HOXC11: variants seen among roughly 807,000 people sequenced by gnomAD.
The protein encoded by HOXC11 is homeobox protein Hox-C11.
HOXC11 carries 17 observed loss-of-function variants against 23.6 expected under a neutral mutation model. That is an observed-to-expected ratio of 0.72 (90% CI 0.49 to 1.08). The LOEUF (loss-of-function observed/expected upper bound fraction) is 1.08. HOXC11 is among the 50% of genes least tolerant of loss of function. HOXC11 has a pLI of 0.00. For missense variants in HOXC11, 413 were observed against 412.1 expected, an observed-to-expected ratio of 1.00 and a Z score of -0.02; for synonymous variants, 196 against 183.8, an observed-to-expected ratio of 1.07 and a Z score of -0.54.
At position 53,973,793 on chromosome 12, in the gene HOXC11, C is replaced by T; in HGVS notation, c.552C>T (p.Pro184=). 1 of 1,595,028 alleles carries T rather than the reference C, an allele frequency of 6.3e-7. No homozygotes were observed. The change falls in exon 1 of 2, where the codon CCC becomes CCT. Residue 184 remains proline, a synonymous_variant. Transcript: ENST00000546378. The surrounding 1 kb of genome is among the most constrained non-coding windows in gnomAD (Gnocchi z 4.3). ...AGGCCAAGGGGGAGCCCGAGGCACC[C>T]CCGGCCTCGGGACTGGCGTCCCGGG... is the stretch of plus-strand genomic sequence containing the variant. ...KGEAKGEPEA[P]PASGLASRAE... is the part of the protein sequence containing the mutation.
At position 53,973,908 on chromosome 12, in the gene HOXC11, A is replaced by C. The variant is rs1161543990; in HGVS notation, c.667A>C (p.Lys223Gln). 2.8e-6 allele frequency: 4 copies of C among 1,442,320 alleles called. No homozygotes were observed. In the African/African-American group the frequency reaches 5.8e-5, roughly 21 times the overall value. 89.3% of individuals were successfully genotyped at this position (1,442,320 alleles called of 1,614,324 possible). Residue 223 changes from lysine to glutamine, a missense_variant, in exon 1 of 2, where the codon AAA (lysine) becomes CAA (glutamine). Transcript: ENST00000546378. The surrounding 1 kb of genome is among the most constrained non-coding windows in gnomAD (Gnocchi z 4.3). ...CCACTCCGTGGCCAAGGAGCCGGCC[A>C]AAGGAGCCGCCCCCAGTAGGTAGCA... ...SAHSVAKEPA[K>Q]GAAPNAPRTR... is the part of the protein sequence containing the mutation.
Position 53,973,597 on chromosome 12 carries a change from G to T in HOXC11, c.356G>T (p.Gly119Val), listed in dbSNP as rs777431810. ...ACCGAGATCCTCATGAAAAACGAAG[G>T]CTCCTACGGCGGCCACCACCACCCC... ...TVTEILMKNE[G>V]SYGGHHHPSA... The change falls in exon 1 of 2, where the codon GGC (glycine) becomes GTC (valine). Residue 119 changes from glycine to valine, a missense_variant. Coordinates refer to ENST00000546378, the MANE Select transcript of HOXC11 (RefSeq NM_014212.4). This position sits in a 1 kb window ranked among gnomAD's most constrained non-coding sequence, Gnocchi z 4.3. 1.3e-5 allele frequency: 21 copies of T among 1,613,220 alleles called. No individual in the cohort carries two copies. The African/African-American group carries it at 1.3e-4, about 10-fold the overall frequency.
In HOXC11 at chr12:53,975,625, G is replaced by C. The variant is rs913419189; in HGVS notation, c.*212G>C. On this transcript the variant is annotated 3_prime_UTR_variant, in exon 2 of 2. Transcript: ENST00000546378. ...TGGGACAGGGACCGGGCCTGGAAAG[G>C]GGGTGAAGGGAAGTGTCTGATGCAC... is the stretch of plus-strand genomic sequence containing the variant. The C allele has an allele frequency of 6.0e-5, 38 of 631,734 alleles. No homozygotes were observed. Among genetic ancestry groups the C allele is most frequent in the African/African-American group, 4.3e-4 (23 of 54,012 alleles). 39.1% of individuals were successfully genotyped at this position (631,734 alleles called of 1,614,324 possible).
At chr12:53,974,666 G>C (rs1032697991) in intron 1 of HOXC11, among the ~76,000 whole-genome samples, 1 of 151,576 alleles carries the variant, frequency 6.6e-6, no homozygotes, top group Non-Finnish European at 1.5e-5. Context: ...CGGGCTTCCC[G>C]GGGCGCCAGG....
At chr12:53,974,724 C>A (rs911026272) in intron 1 of HOXC11, among the ~76,000 whole-genome samples, 4 of 151,832 alleles carry the variant, frequency 2.6e-5, no homozygotes, top group African/African-American at 7.3e-5. Flanking sequence ...GGCCGGCTTC[C>A]TCCCCGCCTC....
Position 53,976,031 on chromosome 12 carries a change from G to A in HOXC11, c.*618G>A, listed in dbSNP as rs907390748. ...CCCTGAATGTGTAGAACCTTCCTTT[G>A]AAATTTCTTAATCGGTGCATTGAGG... On this transcript the variant is annotated 3_prime_UTR_variant, in exon 2 of 2. Coordinates refer to ENST00000546378, the MANE Select transcript of HOXC11 (RefSeq NM_014212.4). The A allele has an allele frequency of 8.6e-6, 2 of 232,848 alleles. No homozygotes were observed. Among genetic ancestry groups the A allele is most frequent in the Non-Finnish European group, 1.7e-5 (2 of 118,386 alleles). The allele number at this position is 232,848 out of a possible 1,614,324, so 14.4% of individuals were successfully genotyped here.
chr12:53,974,215 T>G (rs1939206611), intron 1 of HOXC11, among the ~76,000 whole-genome samples: 1 of 152,110 alleles, frequency 6.6e-6, no homozygotes, highest in Admixed American at 6.5e-5. Context: ...TGTGAAATTT[T>G]TAAAAGCGCA....
chr12:53,975,227 G>A lies in HOXC11; in HGVS notation c.729G>A (p.Gln243=), dbSNP rs758860391. 1.2e-6 allele frequency: 2 copies of A among 1,611,782 alleles called. No homozygotes were observed. The highest frequency in any genetic ancestry group is 1.7e-6 in the Non-Finnish European group (2 of 1,179,816). Residue 243 remains glutamine (Q), a synonymous_variant, in exon 2 of 2, where the codon CAG becomes CAA. Coordinates refer to ENST00000546378, the MANE Select transcript of HOXC11 (RefSeq NM_014212.4). The part of the protein sequence containing the change: ...RKKRCPYSKF[Q]IRELEREFFF... ...AGCGCTGCCCTTATTCGAAATTCCA[G>A]ATCCGGGAACTGGAGCGAGAGTTTT...
rs867057162 is a variant in HOXC11 at position 53,976,172 on chromosome 12, G to T, written c.*759G>T. 1.3e-5 allele frequency: 3 copies of T among 224,778 alleles called. No individual in the cohort carries two copies. The highest frequency in any genetic ancestry group is 8.8e-6 in the Non-Finnish European group (1 of 114,116). The allele number at this position is 224,778 out of a possible 1,614,324, so 13.9% of individuals were successfully genotyped here. A position where few individuals can be genotyped will look rare whatever the true frequency, so the allele number is the denominator to read the frequency against. ...AAAATTGAAGATTGGGGTGGTGGAG[G>T]CAGTAGGGAGATGGGATTGGGCACC... On this transcript the variant is annotated 3_prime_UTR_variant, in exon 2 of 2. Transcript: ENST00000546378.
In HOXC11 at chr12:53,973,886, C is replaced by T; in HGVS notation, c.645C>T (p.His215=). The stretch of plus-strand genomic sequence containing the variant: ...ATCCCAGCTCGTCCGGTTCAGCCCA[C>T]TCCGTGGCCAAGGAGCCGGCCAAAG... ...NTNPSSSGSA[H]SVAKEPAKGA... The change falls in exon 1 of 2, where the codon CAC becomes CAT. Residue 215 remains histidine, a synonymous_variant. Transcript: ENST00000546378. The surrounding 1 kb of genome is among the most constrained non-coding windows in gnomAD (Gnocchi z 4.3). 1 of 1,451,524 alleles carries T rather than the reference C, an allele frequency of 6.9e-7. No individual in the cohort carries two copies. Among genetic ancestry groups the T allele is most frequent in the Non-Finnish European group, 9.1e-7 (1 of 1,101,352 alleles). The allele number at this position is 1,451,524 out of a possible 1,614,324, so 89.9% of individuals were successfully genotyped here.
At position 53,976,201 on chromosome 12, in the gene HOXC11, C is replaced by A. The variant is rs756199292; in HGVS notation, c.*788C>A. The A allele has an allele frequency of 1.8e-5, 4 of 225,320 alleles. No individual in the cohort carries two copies. The highest frequency in any genetic ancestry group is 9.2e-5 in the African/African-American group (4 of 43,264). The allele number at this position is 225,320 out of a possible 1,614,324, so 14.0% of individuals were successfully genotyped here. A position where few individuals can be genotyped will look rare whatever the true frequency, so the allele number is the denominator to read the frequency against. ...TAGGGAGATGGGATTGGGCACCTCC[C>A]CCGTGCTGGGGCCTGGATTTTTGTA... On this transcript the variant is annotated 3_prime_UTR_variant, in exon 2 of 2. Transcript: ENST00000546378.
At position 53,975,867 on chromosome 12, in the gene HOXC11, C is replaced by G; in HGVS notation, c.*454C>G. On this transcript the variant is annotated 3_prime_UTR_variant, in exon 2 of 2. Transcript: ENST00000546378. Reference sequence around the variant, plus strand: ...GCGGAAACTTCTCGAGCTCCCCCCTCTACCCCGCCCCACCTTGCAGCTAAA... The same window carrying G: ...GCGGAAACTTCTCGAGCTCCCCCCTGTACCCCGCCCCACCTTGCAGCTAAA... The G allele has an allele frequency of 2.5e-6, 1 of 407,718 alleles. No homozygotes were observed. The highest frequency in any genetic ancestry group is 4.3e-6 in the Non-Finnish European group (1 of 232,376). 25.3% of individuals were successfully genotyped at this position (407,718 alleles called of 1,614,324 possible).
In HOXC11 at chr12:53,973,193, C is replaced by G; in HGVS notation, c.-49C>G. On this transcript the variant is annotated 5_prime_UTR_variant, in exon 1 of 2. Coordinates refer to ENST00000546378, the MANE Select transcript of HOXC11 (RefSeq NM_014212.4). The surrounding 1 kb of genome is among the most constrained non-coding windows in gnomAD (Gnocchi z 4.3). Reference sequence around the variant, plus strand: ...CGCCTTCCCAAATTTTCCCCCCTCGCTAGACCGGGTCCAAAACCTCCATCC... The same window carrying G: ...CGCCTTCCCAAATTTTCCCCCCTCGGTAGACCGGGTCCAAAACCTCCATCC... 6.8e-7 allele frequency: 1 copy of G among 1,480,826 alleles called. No individual in the cohort carries two copies. The highest frequency in any genetic ancestry group is 1.4e-5 in the African/African-American group (1 of 71,428). The allele number at this position is 1,480,826 out of a possible 1,614,324, so 91.7% of individuals were successfully genotyped here.
At position 53,973,473 on chromosome 12, in the gene HOXC11, G is replaced by A. The variant is rs768321467; in HGVS notation, c.232G>A (p.Glu78Lys). ...GGTCCGGGAGGTCTCCTACGGCCTG[G>A]AGCCATCCGGCAAGTGGCACCATCG... Reference protein sequence around the residue: ...PPVREVSYGLEPSGKWHHRNS... With the variant: ...PPVREVSYGLKPSGKWHHRNS... Residue 78 changes from glutamate to lysine, a missense_variant, in exon 1 of 2, where the codon GAG (glutamate) becomes AAG (lysine). Transcript: ENST00000546378. This position sits in a 1 kb window ranked among gnomAD's most constrained non-coding sequence, Gnocchi z 4.3. 5.0e-6 allele frequency: 8 copies of A among 1,613,916 alleles called. No homozygotes were observed. Among genetic ancestry groups the A allele is most frequent in the Non-Finnish European group, 6.8e-6 (8 of 1,180,026 alleles).
In HOXC11 at chr12:53,973,746, C is replaced by T. The variant is rs1289263689; in HGVS notation, c.505C>T (p.Pro169Ser). The T allele has an allele frequency of 6.2e-7, 1 of 1,612,660 alleles. No individual in the cohort carries two copies. Among genetic ancestry groups the T allele is most frequent in the Non-Finnish European group, 8.5e-7 (1 of 1,179,712 alleles). ...CGGTGGCGGCGACCCGCCCGCCGAG[C>T]CCCCCTGCTCCGGCAAGGGCGAGGC... is the stretch of plus-strand genomic sequence containing the variant. The part of the protein sequence containing the change: ...YCGGGDPPAE[P>S]PCSGKGEAKG... The change falls in exon 1 of 2, where the codon CCC becomes TCC. Residue 169 changes from proline to serine, a missense_variant. Physicochemically the swap from Pro to Ser is moderately conservative, Grantham distance 74 (BLOSUM62 -1). Coordinates refer to ENST00000546378, the MANE Select transcript of HOXC11 (RefSeq NM_014212.4). The surrounding 1 kb of genome is among the most constrained non-coding windows in gnomAD (Gnocchi z 4.3).
Position 53,973,218 on chromosome 12 carries a change from CG to C in HOXC11, c.-22del. The C allele has an allele frequency of 6.5e-7, 1 of 1,529,428 alleles. No homozygotes were observed. Among genetic ancestry groups the C allele is most frequent in the African/African-American group, 1.4e-5 (1 of 72,636 alleles). 94.7% of individuals were successfully genotyped at this position (1,529,428 alleles called of 1,614,324 possible). On this transcript the variant is annotated 5_prime_UTR_variant, in exon 1 of 2. Transcript: ENST00000546378. This position sits in a 1 kb window ranked among gnomAD's most constrained non-coding sequence, Gnocchi z 4.3. Reference sequence around the variant, plus strand: ...CTAGACCGGGTCCAAAACCTCCATCCGGAGCCGGCAGGAGAGGAGAACGATG... The same window carrying C: ...CTAGACCGGGTCCAAAACCTCCATCCGAGCCGGCAGGAGAGGAGAACGATG...
chr12:53,975,139 T>C (rs1400536489), intron 1 of HOXC11, 42 bp from the exon 2 acceptor site: 1 of 876,500 alleles, frequency 1.1e-6, no homozygotes, highest in African/African-American at 1.7e-5. Flanking sequence ...CACGTGTCTC[T>C]CTCCCCCCTC....
At position 53,975,697 on chromosome 12, in the gene HOXC11, G is replaced by C; in HGVS notation, c.*284G>C. On this transcript the variant is annotated 3_prime_UTR_variant, in exon 2 of 2. Transcript: ENST00000546378. ...CCGAGGCCAAGACTTTGATTTAAAA[G>C]AAAACACACCTCGGCGACAATGTCT... 2 of 560,380 alleles carry C rather than the reference G, an allele frequency of 3.6e-6. No homozygotes were observed. The highest frequency in any genetic ancestry group is 6.3e-6 in the Non-Finnish European group (2 of 318,106). The allele number at this position is 560,380 out of a possible 1,614,324, so 34.7% of individuals were successfully genotyped here. A position where few individuals can be genotyped will look rare whatever the true frequency, so the allele number is the denominator to read the frequency against.
In HOXC11 at chr12:53,973,308, G is replaced by T. The variant is rs903945259; in HGVS notation, c.67G>T (p.Gly23Cys). The T allele has an allele frequency of 1.2e-6, 2 of 1,613,820 alleles. No homozygotes were observed. Among genetic ancestry groups the T allele is most frequent in the South Asian group, 1.1e-5 (1 of 91,066 alleles). Reference protein sequence around the residue: ...PSRKERGADFGERGSCASNLY... With the variant: ...PSRKERGADFCERGSCASNLY... ...GCGCAAGGAGAGGGGCGCAGATTTC[G>T]GCGAGCGAGGGAGCTGCGCCTCCAA... The change falls in exon 1 of 2, where the codon GGC (glycine) becomes TGC (cysteine). Residue 23 changes from glycine to cysteine, a missense_variant. Coordinates refer to ENST00000546378, the MANE Select transcript of HOXC11 (RefSeq NM_014212.4). This position sits in a 1 kb window ranked among gnomAD's most constrained non-coding sequence, Gnocchi z 4.3.
Sources: gnomAD v4.1 joint callset for allele counts (sites outside exome capture counted in the v4.1 genomes callset) on GRCh38, gnomAD v4.1.1 for gene constraint, Gnocchi (gnomAD v3.1) non-coding constraint, MANE v1.5 for transcripts, NCBI Gene and HGNC (gene_info 2026-07-23, HGNC 2026-07-21) for gene names.